The following MSH3 variants were observed in gnomAD, a reference collection of about 807,000 sequenced individuals.
MSH3 encodes mutS homolog 3, also known as DNA mismatch repair protein Msh3.
A neutral mutation model predicts 123.3 loss-of-function variants in MSH3; 106 were observed. That is an observed-to-expected ratio of 0.86 (90% confidence interval 0.73 to 1.01). MSH3 has a LOEUF of 1.01. Ranked by LOEUF, MSH3 falls within the 50% of genes least tolerant of loss-of-function variation. The probability of loss-of-function intolerance (pLI) is 0.00; values close to 1 mark genes in which losing one functional copy is unlikely to be tolerated. For synonymous variants in MSH3, 515 were observed against 481.4 expected (o/e 1.07, Z -0.91); for missense variants, 1,459 against 1,347.6 (o/e 1.08, Z -1.29).
At position 80,714,709 on chromosome 5, in the gene MSH3, T is replaced by C. The variant is rs528507862; in HGVS notation, c.1341-10744T>C. On this transcript the variant is annotated intron_variant, in intron 8 of 23. Transcript: ENST00000265081. Reference sequence around the variant, plus strand: ...ATCTGCTTATCAAACAAAATTTTAATTAGAACTGTAATTGAGTAACCAGCT... The same window carrying C: ...ATCTGCTTATCAAACAAAATTTTAACTAGAACTGTAATTGAGTAACCAGCT... Among the ~76,000 whole-genome samples, 409 of 152,314 alleles carry C rather than the reference T, an allele frequency of 2.7e-3. 3 individuals carry two copies. The highest frequency in any genetic ancestry group is 9.5e-3 in the African/African-American group (394 of 41,574).
intron 19 of MSH3, among the ~76,000 whole-genome samples, chr5:80,805,895 A>T (rs867600276): frequency 1.3e-5 from 2 of 151,900 alleles, no homozygotes; most frequent in Non-Finnish European, 2.9e-5. Flanking sequence ...CCCCAATATG[A>T]TGCCTTTTGA....
chr5:80,677,864 T>C (rs1197776012), intron 7 of MSH3, among the ~76,000 whole-genome samples: 1 of 152,256 alleles, frequency 6.6e-6, no homozygotes, highest in African/African-American at 2.4e-5. Flanking sequence ...CATTTTATGA[T>C]CTACAGTTTA....
At chr5:80,825,589 T>G (rs1370365314) in intron 20 of MSH3, among the ~76,000 whole-genome samples, 2 of 152,148 alleles carry the variant, frequency 1.3e-5, no homozygotes, top group Non-Finnish European at 2.9e-5. Flanking sequence ...ACAAGGGAGT[T>G]TTTCTCAATC....
intron 9 of MSH3, among the ~76,000 whole-genome samples, chr5:80,726,576 C>T (rs1743306449): frequency 6.6e-6 from 1 of 152,176 alleles, no homozygotes; most frequent in Non-Finnish European, 1.5e-5. Context: ...AAGCAGTCCT[C>T]CCACGTCAGC....
At chr5:80,796,243 G>A (rs1205169171) in intron 19 of MSH3, among the ~76,000 whole-genome samples, 1 of 151,502 alleles carries the variant, frequency 6.6e-6, no homozygotes, top group Admixed American at 6.6e-5. Flanking sequence ...CAAAACGTAT[G>A]TTACACTTTA....
chr5:80,818,906 G>A (rs1580069295), intron 20 of MSH3, among the ~76,000 whole-genome samples: 1 of 152,220 alleles, frequency 6.6e-6, no homozygotes, highest in South Asian at 2.1e-4. Context: ...ATTGTTCTGG[G>A]ATTTAGCCAT....
intron 8 of MSH3, among the ~76,000 whole-genome samples, chr5:80,712,167 G>C (rs542366359): frequency 1.3e-5 from 2 of 152,184 alleles, no homozygotes; most frequent in East Asian, 3.9e-4. Context: ...GCTCTGTCCT[G>C]ACTCCCAGCC....
chr5:80,865,017 CT>C (rs1432729949), intron 22 of MSH3, 75 bp downstream of exon 22: 4 of 1,357,346 alleles, frequency 2.9e-6, no homozygotes, highest in Non-Finnish European at 4.2e-6. Context: ...GGAACATGAA[CT>C]TACTGCTTAT....
Position 80,672,745 on chromosome 5 carries a change from G to A in MSH3, c.914G>A (p.Gly305Glu). The change falls in exon 6 of 24, where the codon GGA becomes GAA. Residue 305 changes from glycine (G) to glutamate (E), a missense_variant. By Grantham distance (98) the Gly-to-Glu change is moderately conservative. Coordinates refer to ENST00000265081, the MANE Select transcript of MSH3 (RefSeq NM_002439.5). The part of the protein sequence containing the change: ...RRLVAKGYKV[G>E]VVKQTETAAL... ...TATTTCTTATTTTTGTTGAAGGTGG[G>A]AGTTGTGAAGCAAACTGAAACTGCA... 1.9e-6 allele frequency: 3 copies of A among 1,612,240 alleles called. No individual in the cohort carries two copies. The highest frequency in any genetic ancestry group is 1.3e-5 in the African/African-American group (1 of 75,006).
At chr5:80,780,066 C>T (rs185649352) in intron 17 of MSH3, among the ~76,000 whole-genome samples, 1 of 152,248 alleles carries the variant, frequency 6.6e-6, no homozygotes, top group East Asian at 1.9e-4. Flanking sequence ...TTGAAGAGTC[C>T]TTGCCATTGT....
At chr5:80,726,359 C>T (rs1345732450) in intron 9 of MSH3, among the ~76,000 whole-genome samples, 1 of 152,226 alleles carries the variant, frequency 6.6e-6, no homozygotes, top group African/African-American at 2.4e-5. Flanking sequence ...TCCATTTAAG[C>T]ATCAGTGTCT....
intron 17 of MSH3, 103 bp downstream of exon 17, chr5:80,778,939 A>C: frequency 2.8e-6 from 2 of 710,480 alleles, no homozygotes; most frequent in Non-Finnish European, 5.0e-6. Context: ...CTCATGACCC[A>C]CCATAAAATA....
intron 20 of MSH3, among the ~76,000 whole-genome samples, chr5:80,849,870 A>T (rs1357481499): frequency 6.6e-6 from 1 of 152,076 alleles, no homozygotes; most frequent in Non-Finnish European, 1.5e-5. Context: ...ACCTGGCTTG[A>T]ATTTCTCCTC....
intron 8 of MSH3, among the ~76,000 whole-genome samples, chr5:80,724,221 A>G (rs1220907039): frequency 2.0e-5 from 3 of 152,336 alleles, no homozygotes; most frequent in South Asian, 4.1e-4. Flanking sequence ...TAGTTGAAGA[A>G]ATTGTGGCAT....
At chr5:80,784,230 A>AGGG (rs1744461592) in intron 17 of MSH3, among the ~76,000 whole-genome samples, 1 of 135,834 alleles carries the variant, frequency 7.4e-6, no homozygotes, top group African/African-American at 3.1e-5. Flanking sequence ...AAAAAAAAAA[A>AGGG]AAAAAAAAAG....
chr5:80,697,281 A>G lies in MSH3; in HGVS notation c.1340+18188A>G, dbSNP rs182761262. 5.9e-5 allele frequency among the ~76,000 whole-genome samples: 9 copies of G among 152,368 alleles called. No homozygotes were observed. The South Asian group carries it at 8.3e-4, about 14-fold the overall frequency. On this transcript the variant is annotated intron_variant, in intron 8 of 23. Coordinates refer to ENST00000265081, the MANE Select transcript of MSH3 (RefSeq NM_002439.5). ...ATGTTGACAGAGGAATGGCCCTGCC[A>G]TAAGAAAGGTGCCTGAGTTATACAA...
intron 19 of MSH3, among the ~76,000 whole-genome samples, chr5:80,796,603 A>G (rs1414500051): frequency 6.6e-6 from 1 of 152,148 alleles, no homozygotes; most frequent in Non-Finnish European, 1.5e-5. Flanking sequence ...AAGTTAAATG[A>G]CATTGTTGTT....
In MSH3 at chr5:80,784,212, C is replaced by CAAAAAAAAAAA. The variant is rs1192783960; in HGVS notation, c.2436-3336_2436-3326dup. Reference sequence around the variant, plus strand: ...GCGAAAGAGCGAGACTACTACGTCGCAAAAAAAAAAAAAAAAAAAAAAAAA... The same window carrying CAAAAAAAAAAA: ...GCGAAAGAGCGAGACTACTACGTCGCAAAAAAAAAAAAAAAAAAAAAAAAAAAAAAAAAAAA... On this transcript the variant is annotated intron_variant, in intron 17 of 23. Transcript: ENST00000265081. Among the ~76,000 whole-genome samples the CAAAAAAAAAAA allele has an allele frequency of 1.0e-3, 12 of 11,986 alleles. 1 individual carries two copies. Among genetic ancestry groups the CAAAAAAAAAAA allele is most frequent in the Admixed American group, 3.8e-3 (3 of 794 alleles). 7.9% of individuals were successfully genotyped at this position (11,986 alleles called of 152,430 possible).
intron 12 of MSH3, among the ~76,000 whole-genome samples, chr5:80,748,600 C>T (rs1290677898): frequency 1.3e-5 from 2 of 151,440 alleles, no homozygotes; most frequent in African/African-American, 4.9e-5. Context: ...ATTCTTAAGG[C>T]CTTTTAAAAT....
Sources: allele counts gnomAD v4.1 joint callset (sites outside exome capture counted in the v4.1 genomes callset), GRCh38; gene constraint gnomAD v4.1.1; transcripts MANE v1.5; gene names NCBI Gene and HGNC (gene_info 2026-07-23, HGNC 2026-07-21).